Variants in SCAI observed in about 807,000 individuals in gnomAD.
SCAI encodes suppressor of cancer cell invasion, also known as protein SCAI.
A neutral mutation model predicts 92.2 loss-of-function variants in SCAI; 24 were observed. The ratio of observed to expected loss-of-function variants is 0.26; its 90% confidence interval spans 0.19 to 0.37. The LOEUF (loss-of-function observed/expected upper bound fraction) is 0.37. Ranked by LOEUF, SCAI falls within the 10% of genes least tolerant of loss-of-function variation. The probability of loss-of-function intolerance (pLI) is 1.00; values close to 1 mark genes in which losing one functional copy is unlikely to be tolerated. For synonymous variants in SCAI, 261 were observed against 258.6 expected, an observed-to-expected ratio of 1.01 and a Z score of -0.09; for missense variants, 450 against 736.2, an observed-to-expected ratio of 0.61 and a Z score of 4.50.
At chr9:125,009,092 T>G (rs942195510) in intron 9 of SCAI, among the ~76,000 whole-genome samples, 1 of 152,036 alleles carries the variant, frequency 6.6e-6, no homozygotes, top group South Asian at 2.1e-4. Flanking sequence ...AAGTTGGAGA[T>G]GTGCAATATA....
At chr9:125,140,296 G>A (rs1417112062) in intron 2 of SCAI, among the ~76,000 whole-genome samples, 1 of 152,198 alleles carries the variant, frequency 6.6e-6, no homozygotes, top group Non-Finnish European at 1.5e-5. Flanking sequence ...GGGAGGCCTA[G>A]TCAGACAGAG....
In SCAI at chr9:125,106,130, T is replaced by A. The variant is rs1374442507; in HGVS notation, c.98+36503A>T. Among the ~76,000 whole-genome samples, 243 of 71,794 alleles carry A rather than the reference T, an allele frequency of 3.4e-3. 1 individual carries two copies. Among genetic ancestry groups the A allele is most frequent in the Middle Eastern group, 6.1e-3 (1 of 164 alleles). The allele number at this position is 71,794 out of a possible 152,430, so 47.1% of individuals were successfully genotyped here. The stretch of plus-strand genomic sequence containing the variant: ...AAAAAAAAAAAAAAAAAAATATATA[T>A]ATATATATATATATATATATATATA... On this transcript the variant is annotated intron_variant, in intron 2 of 17. Transcript: ENST00000336505.
At chr9:125,013,452 C>A (rs1309995578) in intron 9 of SCAI, among the ~76,000 whole-genome samples, 1 of 152,188 alleles carries the variant, frequency 6.6e-6, no homozygotes. Context: ...AATTCCTCAA[C>A]ACATACACCC....
intron 14 of SCAI, among the ~76,000 whole-genome samples, chr9:124,984,825 A>G (rs1166974916): frequency 6.6e-6 from 1 of 152,198 alleles, no homozygotes; most frequent in Non-Finnish European, 1.5e-5. Flanking sequence ...AAGCCATAAA[A>G]TCAGCTAAGA....
At chr9:125,006,998 A>C (rs1017785151) in intron 9 of SCAI, among the ~76,000 whole-genome samples, 4 of 152,048 alleles carry the variant, frequency 2.6e-5, no homozygotes, top group African/African-American at 9.7e-5. Context: ...GCGTGCCTGT[A>C]GTCCTGGCTA....
chr9:124,974,812 G>A (rs1317860811), intron 15 of SCAI, among the ~76,000 whole-genome samples: 2 of 152,150 alleles, frequency 1.3e-5, no homozygotes, highest in Non-Finnish European at 2.9e-5. Flanking sequence ...ATTCTATGAG[G>A]TAGATACTAT....
intron 6 of SCAI, among the ~76,000 whole-genome samples, chr9:125,023,028 T>A (rs1832901456): frequency 6.6e-6 from 1 of 152,212 alleles, no homozygotes; most frequent in African/African-American, 2.4e-5. Context: ...TAAATGGATA[T>A]CAGAATGGTT....
intron 14 of SCAI, among the ~76,000 whole-genome samples, chr9:124,984,233 G>GAGCAATGAGAACTGAGC (rs1322201113): frequency 6.6e-6 from 1 of 152,224 alleles, no homozygotes; most frequent in African/African-American, 2.4e-5. Flanking sequence ...CAGTGTGGCT[G>GAGCAATGAGAACTGAGC]AAGAGAACTG....
At chr9:125,092,328 G>A (rs1017627089) in intron 2 of SCAI, among the ~76,000 whole-genome samples, 2 of 150,532 alleles carry the variant, frequency 1.3e-5, no homozygotes, top group African/African-American at 4.9e-5. Flanking sequence ...TATTAGCCAG[G>A]CATGGTGCCA....
intron 9 of SCAI, among the ~76,000 whole-genome samples, chr9:125,010,125 C>T (rs1248704123): frequency 6.6e-6 from 1 of 152,256 alleles, no homozygotes; most frequent in Non-Finnish European, 1.5e-5. Flanking sequence ...CGGGTGATTT[C>T]TGCATTTCCA....
chr9:125,036,842 C>A (rs753011606), intron 3 of SCAI, among the ~76,000 whole-genome samples: 1 of 152,084 alleles, frequency 6.6e-6, no homozygotes, highest in Non-Finnish European at 1.5e-5. Context: ...AAAAAGTAGC[C>A]GGGCATGATG....
At chr9:125,001,443 C>T (rs1832359455) in intron 12 of SCAI, among the ~76,000 whole-genome samples, 1 of 152,158 alleles carries the variant, frequency 6.6e-6, no homozygotes, top group Admixed American at 6.6e-5. Context: ...TCCCGATATT[C>T]TACAGATTGA....
At chr9:125,026,704 G>T in intron 6 of SCAI, 108 bp downstream of exon 6, 1 of 599,384 alleles carries the variant, frequency 1.7e-6, no homozygotes, top group Non-Finnish European at 2.9e-6. Flanking sequence ...AATAAAGCCT[G>T]GTAAACGAGT....
rs924264875 is a variant in SCAI at position 125,055,914 on chromosome 9, A to G, written c.192T>C (p.Tyr64=). ...GERKTVTDFC[Y]LLDKSKQLFN... is the part of the protein sequence containing the mutation. ...ACAGTTGCTTAGATTTATCCAGAAG[A>G]TAACAAAAATCTGTAACTGTTTTCC... Residue 64 remains tyrosine (Y), a synonymous_variant, in exon 3 of 18, where the codon TAT becomes TAC. Transcript: ENST00000336505. 1.9e-6 allele frequency: 3 copies of G among 1,613,236 alleles called. No homozygotes were observed. Among genetic ancestry groups the G allele is most frequent in the Non-Finnish European group, 2.5e-6 (3 of 1,179,424 alleles).
chr9:124,968,165 C>A, intron 17 of SCAI: 1 of 579,766 alleles, frequency 1.7e-6, no homozygotes. Context: ...ACGTTCTTTC[C>A]ACAGAGCTGT....
chr9:125,106,119 AAAAATATATATATATATATAT>A (rs1834781896), intron 2 of SCAI, among the ~76,000 whole-genome samples: 1 of 55,736 alleles, frequency 1.8e-5, no homozygotes, highest in Admixed American at 2.5e-4. Flanking sequence ...AAAAAAAAAA[AAAAATATATATATATATATAT>A]ATATATATAT....
At chr9:125,014,668 T>C (rs1052330779) in intron 9 of SCAI, among the ~76,000 whole-genome samples, 1 of 152,098 alleles carries the variant, frequency 6.6e-6, no homozygotes, top group Non-Finnish European at 1.5e-5. Flanking sequence ...CTTCACAGAA[T>C]TGGAAAAAAC....
At chr9:125,116,426 GAA>G (rs1451272369) in intron 2 of SCAI, among the ~76,000 whole-genome samples, 1 of 151,906 alleles carries the variant, frequency 6.6e-6, no homozygotes, top group Admixed American at 6.6e-5. Context: ...GAGGGGAAAA[GAA>G]TATATACACA....
chr9:124,960,396 C>T (rs1328559681), intron 17 of SCAI, among the ~76,000 whole-genome samples: 4 of 152,216 alleles, frequency 2.6e-5, no homozygotes, highest in African/African-American at 4.8e-5. Context: ...TGCCCTGGCC[C>T]GTAATAGCCA....
Sources: allele counts gnomAD v4.1 joint callset (sites outside exome capture counted in the v4.1 genomes callset), GRCh38; gene constraint gnomAD v4.1.1; transcripts MANE v1.5; gene names NCBI Gene and HGNC (gene_info 2026-07-23, HGNC 2026-07-21).